The following CNTNAP5 variants were observed in gnomAD, a reference collection of about 807,000 sequenced individuals.
CNTNAP5 encodes the protein contactin-associated protein-like 5.
In CNTNAP5, 72 loss-of-function variants were observed where a neutral mutation model predicts 150.2. The ratio of observed to expected loss-of-function variants is 0.48; its 90% CI spans 0.40 to 0.58. The LOEUF (loss-of-function observed/expected upper bound fraction) is 0.58. CNTNAP5 is among the 20% of genes least tolerant of loss of function. The pLI, the probability that CNTNAP5 is intolerant of heterozygous loss-of-function variation, is 0.00. For missense variants in CNTNAP5, 1,636 were observed against 1,626.2 expected, an observed-to-expected ratio of 1.01 and a Z score of -0.10; for synonymous variants, 672 against 619.8, an observed-to-expected ratio of 1.08 and a Z score of -1.25.
chr2:124,869,053 T>A (rs955955907), intron 20 of CNTNAP5, among the ~76,000 whole-genome samples: 1 of 152,088 alleles, frequency 6.6e-6, no homozygotes, highest in African/African-American at 2.4e-5. Flanking sequence ...AGAAATAAAG[T>A]CCTACTGAAG....
chr2:124,071,355 G>T (rs2104664559), intron 1 of CNTNAP5, among the ~76,000 whole-genome samples: 1 of 151,282 alleles, frequency 6.6e-6, no homozygotes, highest in African/African-American at 2.4e-5. Context: ...TAAAGATTGG[G>T]GCACAAATAA....
chr2:124,563,680 C>T (rs1219948112), intron 11 of CNTNAP5, among the ~76,000 whole-genome samples: 1 of 152,174 alleles, frequency 6.6e-6, no homozygotes, highest in Non-Finnish European at 1.5e-5. Context: ...AATAAACAAA[C>T]TAACATCTCT....
chr2:124,720,653 T>C (rs1324649620), intron 13 of CNTNAP5, among the ~76,000 whole-genome samples: 1 of 152,206 alleles, frequency 6.6e-6, no homozygotes, highest in African/African-American at 2.4e-5. Context: ...AGGAATTTCA[T>C]TTCCTCTGAA....
At chr2:124,464,238 G>A (rs1054992755) in intron 6 of CNTNAP5, among the ~76,000 whole-genome samples, 1 of 152,068 alleles carries the variant, frequency 6.6e-6, no homozygotes, top group African/African-American at 2.4e-5. Flanking sequence ...AAGCAAGGGA[G>A]CGCAGGCACT....
At chr2:124,087,436 A>G (rs1279334754) in intron 1 of CNTNAP5, among the ~76,000 whole-genome samples, 5 of 151,888 alleles carry the variant, frequency 3.3e-5, no homozygotes, top group Non-Finnish European at 7.3e-5. Flanking sequence ...CTTAAAGAAT[A>G]TTTTTGGCTG....
At chr2:124,665,884 T>TC (rs1678690769) in intron 13 of CNTNAP5, among the ~76,000 whole-genome samples, 1 of 82,976 alleles carries the variant, frequency 1.2e-5, no homozygotes, top group Non-Finnish European at 2.8e-5. Flanking sequence ...AGACTCCGTC[T>TC]CAAAAAAAAA....
intron 1 of CNTNAP5, among the ~76,000 whole-genome samples, chr2:124,038,396 C>A (rs759298819): frequency 1.3e-5 from 2 of 152,076 alleles, no homozygotes; most frequent in Non-Finnish European, 2.9e-5. Context: ...AGAGGACCTG[C>A]TTGCTTGGGT....
chr2:124,483,002 C>G (rs1334421968), intron 7 of CNTNAP5, among the ~76,000 whole-genome samples: 1 of 152,212 alleles, frequency 6.6e-6, no homozygotes, highest in African/African-American at 2.4e-5. Context: ...ACCCGGATTA[C>G]TCGCTGTTTC....
At chr2:124,654,459 T>C (rs1484897783) in intron 13 of CNTNAP5, among the ~76,000 whole-genome samples, 1 of 152,180 alleles carries the variant, frequency 6.6e-6, no homozygotes, top group Non-Finnish European at 1.5e-5. Flanking sequence ...ACATGTCTTA[T>C]ATCACTCTGT....
At chr2:124,316,708 G>A (rs769784517) in intron 3 of CNTNAP5, among the ~76,000 whole-genome samples, 5 of 149,454 alleles carry the variant, frequency 3.3e-5, no homozygotes, top group Non-Finnish European at 5.9e-5. Context: ...TGGACGCTGA[G>A]GCAGAAGAAT....
chr2:124,516,012 G>T (rs986479511), intron 8 of CNTNAP5, among the ~76,000 whole-genome samples: 2 of 152,072 alleles, frequency 1.3e-5, no homozygotes, highest in African/African-American at 4.8e-5. Context: ...ACAGGAGGCT[G>T]GGAAAAGAGG....
At chr2:124,529,752 TG>T (rs1474471032) in intron 10 of CNTNAP5, among the ~76,000 whole-genome samples, 1 of 152,200 alleles carries the variant, frequency 6.6e-6, no homozygotes, top group African/African-American at 2.4e-5. Context: ...TTTCCTTACC[TG>T]GACTGCTGTC....
chr2:124,260,457 G>T (rs954909800), intron 3 of CNTNAP5, among the ~76,000 whole-genome samples: 1 of 152,174 alleles, frequency 6.6e-6, no homozygotes, highest in African/African-American at 2.4e-5. Context: ...ATAGGAATGG[G>T]CAAGGACTTC....
At chr2:124,570,120 G>A (rs1440123126) in intron 11 of CNTNAP5, among the ~76,000 whole-genome samples, 1 of 152,104 alleles carries the variant, frequency 6.6e-6, no homozygotes, top group African/African-American at 2.4e-5. Context: ...TCTTCCCAGG[G>A]TCTCCAGCCT....
chr2:124,826,879 G>T (rs181058814), intron 19 of CNTNAP5, among the ~76,000 whole-genome samples: 7 of 152,154 alleles, frequency 4.6e-5, no homozygotes, highest in African/African-American at 1.4e-4. Flanking sequence ...CCCCAGAAAG[G>T]CTGGTTGTCA....
rs114059208 is a variant in CNTNAP5 at position 124,586,431 on chromosome 2, T to C, written c.1756+23108T>C. On this transcript the variant is annotated intron_variant, in intron 11 of 23. Transcript: ENST00000682447. ...AGCCAGGAGCGGGTGCTGGCCTGCC[T>C]GCAGGACACATGATTTTACCTCTCT... is the stretch of plus-strand genomic sequence containing the variant. 6.6e-3 allele frequency among the ~76,000 whole-genome samples: 998 copies of C among 152,360 alleles called. 11 individuals carry two copies. The highest frequency in any genetic ancestry group is 0.023 in the African/African-American group (951 of 41,590).
intron 7 of CNTNAP5, among the ~76,000 whole-genome samples, chr2:124,487,700 G>A (rs1393002291): frequency 6.6e-6 from 1 of 152,010 alleles, no homozygotes; most frequent in African/African-American, 2.4e-5. Context: ...CAATCATAAT[G>A]AATGCTTTCT....
chr2:124,367,631 C>T (rs972392439), intron 3 of CNTNAP5, among the ~76,000 whole-genome samples: 1 of 152,158 alleles, frequency 6.6e-6, no homozygotes, highest in African/African-American at 2.4e-5. Flanking sequence ...AAGTTACTAG[C>T]CCCTCTGGCT....
At chr2:124,087,217 A>G (rs929365486) in intron 1 of CNTNAP5, among the ~76,000 whole-genome samples, 2 of 151,852 alleles carry the variant, frequency 1.3e-5, no homozygotes, top group African/African-American at 4.9e-5. Context: ...ATAATTTAGA[A>G]AACTCAAGAC....
Sources: gnomAD v4.1 joint callset for allele counts (sites outside exome capture counted in the v4.1 genomes callset) on GRCh38, gnomAD v4.1.1 for gene constraint, MANE v1.5 for transcripts, NCBI Gene and HGNC (gene_info 2026-07-23, HGNC 2026-07-21) for gene names.